The following MAN1C1 variants were observed in gnomAD, a reference collection of about 807,000 sequenced individuals.
MAN1C1 encodes mannosyl-oligosaccharide 1,2-alpha-mannosidase IC.
Under a neutral mutation model 71.5 loss-of-function variants are expected in MAN1C1, and 49 were observed. The observed-to-expected ratio is 0.69, with a 90% CI of 0.54 to 0.87. The LOEUF (loss-of-function observed/expected upper bound fraction) is 0.87, where lower values mean the gene tolerates loss of function less well. MAN1C1 is among the 40% of genes least tolerant of loss of function. The pLI, the probability that MAN1C1 is intolerant of heterozygous loss-of-function variation, is 0.00. For missense variants in MAN1C1, 743 were observed against 835.0 expected (o/e 0.89, Z 1.36); for synonymous variants, 352 against 343.7 (o/e 1.02, Z -0.27).
At chr1:25,632,283 T>G (rs993210450) in intron 1 of MAN1C1, among the ~76,000 whole-genome samples, 3 of 152,218 alleles carry the variant, frequency 2.0e-5, no homozygotes, top group Admixed American at 1.3e-4. Flanking sequence ...TTTTTCTAGT[T>G]TATGTGCGTA....
rs775590353 is a variant in MAN1C1 at position 25,763,952 on chromosome 1, G to T, written c.1126G>T (p.Gly376Trp). Residue 376 changes from glycine to tryptophan, a missense_variant, in exon 7 of 12, where the codon GGG becomes TGG. Gly to Trp is a radical substitution (Grantham distance 184, BLOSUM62 -2). Coordinates refer to ENST00000374332, the MANE Select transcript of MAN1C1 (RefSeq NM_020379.4). ...CCCCAACTTCCTCAGCCCAGTGAGT[G>T]GGAACTGGGTGCAACGTGAGTACAG... ...LYPNFLSPVS[G>W]NWVQHHVSVG... is the part of the protein sequence containing the mutation. The T allele has an allele frequency of 9.9e-6, 16 of 1,613,514 alleles. No individual in the cohort carries two copies. Among genetic ancestry groups the T allele is most frequent in the Non-Finnish European group, 1.7e-6 (2 of 1,179,774 alleles).
chr1:25,765,971 A>G (rs1446485050), intron 7 of MAN1C1, among the ~76,000 whole-genome samples: 1 of 152,220 alleles, frequency 6.6e-6, no homozygotes, highest in Non-Finnish European at 1.5e-5. Flanking sequence ...AGGCAGTTCG[A>G]TAACAGTTGC....
chr1:25,782,816 G>C lies in MAN1C1; in HGVS notation c.1766+116G>C, dbSNP rs2072746. On this transcript the variant is annotated intron_variant, in intron 11 of 11. Coordinates refer to ENST00000374332, the MANE Select transcript of MAN1C1 (RefSeq NM_020379.4). This position sits in a 1 kb window ranked among gnomAD's most constrained non-coding sequence, Gnocchi z 4.4. ...GTCACAGGACGGGAGCCCAAAAGGG[G>C]TGAAGGGCTTGGGATCCAGAGGGCT... 0.63 allele frequency: 471,645 copies of C among 748,596 alleles called. 150,229 individuals are homozygous for C. The highest frequency in any genetic ancestry group is 0.72 in the East Asian group (26,817 of 37,038). The allele number at this position is 748,596 out of a possible 1,614,324, so 46.4% of individuals were successfully genotyped here. A position where few individuals can be genotyped will look rare whatever the true frequency, so the allele number is the denominator to read the frequency against.
intron 1 of MAN1C1, among the ~76,000 whole-genome samples, chr1:25,659,306 C>CCCTCTTCTT (rs2045813665): frequency 6.6e-6 from 1 of 152,196 alleles, no homozygotes; most frequent in Admixed American, 6.5e-5. Flanking sequence ...GCCCCCGACC[C>CCCTCTTCTT]TTACGTCAGA....
At chr1:25,715,677 A>G (rs1184070525) in intron 2 of MAN1C1, among the ~76,000 whole-genome samples, 1 of 152,200 alleles carries the variant, frequency 6.6e-6, no homozygotes, top group Admixed American at 6.5e-5. Context: ...GGAAACAGAA[A>G]GATGAGGAAA....
At chr1:25,694,578 A>G (rs758887604) in intron 2 of MAN1C1, among the ~76,000 whole-genome samples, 6 of 152,236 alleles carry the variant, frequency 3.9e-5, no homozygotes, top group Non-Finnish European at 7.3e-5. Flanking sequence ...TGAAGAGGGA[A>G]TAAATCCAGG....
chr1:25,769,953 GCCCC>G lies in MAN1C1; in HGVS notation c.1142-1702_1142-1699del, dbSNP rs2047524902. 6.6e-6 allele frequency among the ~76,000 whole-genome samples: 1 copy of G among 152,182 alleles called. No individual in the cohort carries two copies. Among genetic ancestry groups the G allele is most frequent in the African/African-American group, 2.4e-5 (1 of 41,460 alleles). On this transcript the variant is annotated intron_variant, in intron 7 of 11. Coordinates refer to ENST00000374332, the MANE Select transcript of MAN1C1 (RefSeq NM_020379.4). The surrounding 1 kb of genome is among the most constrained non-coding windows in gnomAD (Gnocchi z 4.8). ...GGAGCAGGCTTGTGAGAATGCCTGAGCCCCCGCGTGGGGAATGAGGTGGGGAGGG... is the reference window on the plus strand; with the variant it reads ...GGAGCAGGCTTGTGAGAATGCCTGAGCGCGTGGGGAATGAGGTGGGGAGGG...
At chr1:25,763,353 G>A (rs2047385099) in intron 6 of MAN1C1, among the ~76,000 whole-genome samples, 1 of 152,052 alleles carries the variant, frequency 6.6e-6, no homozygotes, top group African/African-American at 2.4e-5. Context: ...GCCAGGAGTG[G>A]TGGCACAGGC....
intron 2 of MAN1C1, among the ~76,000 whole-genome samples, chr1:25,713,856 C>T (rs1316315767): frequency 2.0e-5 from 3 of 152,130 alleles, no homozygotes; most frequent in African/African-American, 4.8e-5. Flanking sequence ...TCTTTGCTGC[C>T]GGGAACCAAG....
intron 1 of MAN1C1, among the ~76,000 whole-genome samples, chr1:25,633,409 C>G (rs903865651): frequency 1.4e-4 from 21 of 151,940 alleles, no homozygotes; most frequent in Admixed American, 1.4e-3. Flanking sequence ...GTCCCTCACT[C>G]ATTTCTTAGA....
intron 2 of MAN1C1, among the ~76,000 whole-genome samples, chr1:25,737,067 T>G (rs956441371): frequency 6.6e-5 from 10 of 152,212 alleles, no homozygotes; most frequent in African/African-American, 9.6e-5. Flanking sequence ...TGGGCTTCAG[T>G]TTTGAGATGA....
At chr1:25,626,854 A>T (rs567348167) in intron 1 of MAN1C1, among the ~76,000 whole-genome samples, 1 of 152,100 alleles carries the variant, frequency 6.6e-6, no homozygotes, top group Non-Finnish European at 1.5e-5. Context: ...TCATTTTCTT[A>T]ATGGTGTCAC....
Position 25,742,796 on chromosome 1 carries a change from C to G in MAN1C1, c.638-3872C>G, listed in dbSNP as rs2047079790. On this transcript the variant is annotated intron_variant, in intron 2 of 11. Transcript: ENST00000374332. The stretch of plus-strand genomic sequence containing the variant: ...ACATCTCCCTGACACCAAAGCCAGC[C>G]TCTTAGCTATGTGTGAGGTTGCCTT... Among the ~76,000 whole-genome samples the G allele has an allele frequency of 2.0e-5, 3 of 152,218 alleles. No homozygotes were observed. In the South Asian group the frequency reaches 6.2e-4, roughly 32 times the overall value.
intron 1 of MAN1C1, among the ~76,000 whole-genome samples, chr1:25,676,098 G>A (rs929201835): frequency 1.3e-5 from 2 of 152,178 alleles, no homozygotes; most frequent in African/African-American, 4.8e-5. Context: ...AGCAGCGAGA[G>A]TTTCTCTGCC....
At chr1:25,679,144 G>A (rs1440791129) in intron 1 of MAN1C1, among the ~76,000 whole-genome samples, 3 of 152,208 alleles carry the variant, frequency 2.0e-5, no homozygotes, top group South Asian at 2.1e-4. Flanking sequence ...CAAGAGAAGG[G>A]AGTGACCCAG....
At chr1:25,781,530 C>T (rs1169303726) in intron 10 of MAN1C1, among the ~76,000 whole-genome samples, 1 of 152,096 alleles carries the variant, frequency 6.6e-6, no homozygotes, top group East Asian at 1.9e-4. Context: ...GCCTGAGGGA[C>T]CCCCCCACCC....
At chr1:25,670,370 TA>T (rs1048851092) in intron 1 of MAN1C1, among the ~76,000 whole-genome samples, 4 of 152,028 alleles carry the variant, frequency 2.6e-5, no homozygotes, top group African/African-American at 9.6e-5. Flanking sequence ...CCTGTTTCTT[TA>T]AAAAAAAATT....
In MAN1C1 at chr1:25,753,181, T is replaced by C. The variant is rs2047239611; in HGVS notation, c.835-303T>C. ...CCATCCCAATAAGCAGCATCCAGCC[T>C]TTGCCACCAGAGTCCTGACACTGTG... On this transcript the variant is annotated intron_variant, in intron 4 of 11. Transcript: ENST00000374332. This position sits in a 1 kb window ranked among gnomAD's most constrained non-coding sequence, Gnocchi z 4.9. Among the ~76,000 whole-genome samples the C allele has an allele frequency of 1.3e-5, 2 of 151,830 alleles. No individual in the cohort carries two copies. Among genetic ancestry groups the C allele is most frequent in the Non-Finnish European group, 2.9e-5 (2 of 67,978 alleles).
chr1:25,618,027 A>G lies in MAN1C1; in HGVS notation c.230A>G (p.Glu77Gly). The change falls in exon 1 of 12, where the codon GAG becomes GGG. Residue 77 changes from glutamate to glycine, a missense_variant. By Grantham distance (98) the Glu-to-Gly change is moderately conservative (BLOSUM62 -2). Transcript: ENST00000374332. ...AEIAGHAPAR[E>G]QEPPPNPAPA... ...ATCGCCGGCCATGCCCCGGCCCGCG[A>G]GCAGGAGCCGCCTCCCAACCCGGCC... The G allele has an allele frequency of 6.3e-7, 1 of 1,594,718 alleles. No homozygotes were observed.
Sources: gnomAD v4.1 joint callset for allele counts (sites outside exome capture counted in the v4.1 genomes callset) on GRCh38, gnomAD v4.1.1 for gene constraint, Gnocchi (gnomAD v3.1) non-coding constraint, MANE v1.5 for transcripts, NCBI Gene and HGNC (gene_info 2026-07-23, HGNC 2026-07-21) for gene names.